Variants in KIAA1328 observed in about 807,000 individuals in gnomAD.
KIAA1328 encodes the protein protein hinderin.
In KIAA1328, 52 loss-of-function variants were observed where a neutral mutation model predicts 68.1. That is an observed-to-expected ratio of 0.76 (90% CI 0.61 to 0.96). The LOEUF is 0.96. Ranked by LOEUF, KIAA1328 falls within the 40% of genes least tolerant of loss-of-function variation. KIAA1328 has a pLI of 0.00. For synonymous variants in KIAA1328, 232 were observed against 239.4 expected, an observed-to-expected ratio of 0.97 and a Z score of 0.28; for missense variants, 641 against 677.6, an observed-to-expected ratio of 0.95 and a Z score of 0.60.
chr18:36,923,401 C>A (rs919537029), intron 5 of KIAA1328, among the ~76,000 whole-genome samples: 1 of 152,084 alleles, frequency 6.6e-6, no homozygotes, highest in Non-Finnish European at 1.5e-5. Flanking sequence ...TGTTAAAATT[C>A]TGTCATATTA....
intron 5 of KIAA1328, among the ~76,000 whole-genome samples, chr18:36,899,377 A>T (rs186552047): frequency 3.5e-4 from 53 of 151,982 alleles, no homozygotes; most frequent in Admixed American, 1.6e-3. Context: ...AATACATGTT[A>T]CGTGAATGAA....
intron 6 of KIAA1328, among the ~76,000 whole-genome samples, chr18:37,022,165 G>A (rs574694113): frequency 2.0e-5 from 3 of 152,270 alleles, no homozygotes; most frequent in African/African-American, 7.2e-5. Context: ...TAAAGTGGGA[G>A]AGGATTTTAA....
intron 5 of KIAA1328, 98 bp downstream of exon 5, chr18:36,885,770 T>C (rs1219989857): frequency 4.2e-6 from 3 of 719,130 alleles, no homozygotes; most frequent in South Asian, 2.0e-5. Flanking sequence ...TAGGCTGCAG[T>C]GCAATGGTGC....
At chr18:37,068,924 G>A (rs1334662597) in intron 7 of KIAA1328, among the ~76,000 whole-genome samples, 1 of 151,932 alleles carries the variant, frequency 6.6e-6, no homozygotes, top group Non-Finnish European at 1.5e-5. Flanking sequence ...CACTGCTCCT[G>A]ACTCTGCCTT....
chr18:37,066,574 C>G (rs1415742847), intron 6 of KIAA1328, among the ~76,000 whole-genome samples: 1 of 152,158 alleles, frequency 6.6e-6, no homozygotes, highest in African/African-American at 2.4e-5. Flanking sequence ...AGGCTTTCAC[C>G]TCTTCTCAAA....
chr18:37,032,704 C>T (rs540744527), intron 6 of KIAA1328, among the ~76,000 whole-genome samples: 106 of 152,158 alleles, frequency 7.0e-4, no homozygotes, highest in African/African-American at 2.4e-3. Flanking sequence ...TACAATGGCA[C>T]GATCTTGGCT....
chr18:36,879,028 A>G (rs1355643608), intron 4 of KIAA1328, among the ~76,000 whole-genome samples: 1 of 152,126 alleles, frequency 6.6e-6, no homozygotes, highest in African/African-American at 2.4e-5. Flanking sequence ...CAATTCGTCA[A>G]ACTCATTCTT....
chr18:37,099,698 G>T (rs191287515), intron 7 of KIAA1328, among the ~76,000 whole-genome samples: 2 of 152,076 alleles, frequency 1.3e-5, no homozygotes, highest in Non-Finnish European at 2.9e-5. Flanking sequence ...CATTATTATT[G>T]TGTGGGAGTC....
At chr18:36,831,068 A>G (rs557529628) in intron 1 of KIAA1328, among the ~76,000 whole-genome samples, 52 of 152,368 alleles carry the variant, frequency 3.4e-4, no homozygotes, top group African/African-American at 1.2e-3. Flanking sequence ...ATGTCTTTGC[A>G]TCTTGATTCC....
intron 4 of KIAA1328, among the ~76,000 whole-genome samples, chr18:36,870,842 T>C (rs1007111797): frequency 1.8e-4 from 27 of 152,254 alleles, no homozygotes; most frequent in African/African-American, 5.8e-4. Flanking sequence ...CCTTGACACG[T>C]ATGTGTTTTG....
At chr18:37,202,919 C>G (rs2060141146) in intron 9 of KIAA1328, among the ~76,000 whole-genome samples, 1 of 151,924 alleles carries the variant, frequency 6.6e-6, no homozygotes, top group Non-Finnish European at 1.5e-5. Context: ...ATTCATTTAG[C>G]CAAAGCAATA....
At chr18:37,071,820 T>C (rs886146517) in intron 7 of KIAA1328, among the ~76,000 whole-genome samples, 1 of 152,200 alleles carries the variant, frequency 6.6e-6, no homozygotes, top group African/African-American at 2.4e-5. Flanking sequence ...ATTTTATCAG[T>C]TTAAATTAAA....
rs143589619 is a variant in KIAA1328, at chr18:37,037,809, A to G, written c.577-29081A>G. Among the ~76,000 whole-genome samples, 642 of 151,962 alleles carry G rather than the reference A, an allele frequency of 4.2e-3. 4 individuals are homozygous for G. Among genetic ancestry groups the G allele is most frequent in the African/African-American group, 0.014 (596 of 41,452 alleles). ...TCCTTACTATACATATGGTTGAGAAAAGGGAAGATGGGCCAGGCACTGTGG... is the reference window on the plus strand; with the variant it reads ...TCCTTACTATACATATGGTTGAGAAGAGGGAAGATGGGCCAGGCACTGTGG... On this transcript the variant is annotated intron_variant, in intron 6 of 9. Transcript: ENST00000280020.
intron 5 of KIAA1328, chr18:36,885,921 T>A: frequency 4.6e-6 from 2 of 436,816 alleles, no homozygotes; most frequent in Non-Finnish European, 8.0e-6. Flanking sequence ...TTCACCTTGT[T>A]GGCCAGGCTG....
chr18:36,913,825 T>C (rs989080776), intron 5 of KIAA1328, among the ~76,000 whole-genome samples: 11 of 152,212 alleles, frequency 7.2e-5, no homozygotes, highest in African/African-American at 2.2e-4. Flanking sequence ...AGTTGACAAA[T>C]GGTGTCAGAA....
chr18:37,205,701 TGTG>T (rs1459791232), intron 9 of KIAA1328, among the ~76,000 whole-genome samples: 1 of 152,194 alleles, frequency 6.6e-6, no homozygotes, highest in Admixed American at 6.5e-5. Context: ...GAAGGAATGT[TGTG>T]GTGGCCTAAA....
At chr18:36,954,880 G>C (rs1363152702) in intron 5 of KIAA1328, among the ~76,000 whole-genome samples, 1 of 151,298 alleles carries the variant, frequency 6.6e-6, no homozygotes, top group East Asian at 2.0e-4. Context: ...ATTTTTAGTG[G>C]AGATGGCATT....
chr18:37,029,558 G>A (rs1015051548), intron 6 of KIAA1328, among the ~76,000 whole-genome samples: 3 of 152,112 alleles, frequency 2.0e-5, no homozygotes, highest in African/African-American at 4.8e-5. Context: ...TAGAGACAGG[G>A]TTTCACCGTG....
At chr18:37,120,300 C>T (rs938473968) in intron 7 of KIAA1328, among the ~76,000 whole-genome samples, 1 of 151,974 alleles carries the variant, frequency 6.6e-6, no homozygotes, top group African/African-American at 2.4e-5. Context: ...TGCTGACTCC[C>T]AGTGACATTT....
Sources: gnomAD v4.1 joint callset for allele counts (sites outside exome capture counted in the v4.1 genomes callset) on GRCh38, gnomAD v4.1.1 for gene constraint, MANE v1.5 for transcripts, NCBI Gene and HGNC (gene_info 2026-07-23, HGNC 2026-07-21) for gene names.